GRIN2B: variants seen among roughly 807,000 people sequenced by gnomAD.
GRIN2B encodes glutamate receptor ionotropic, NMDA 2B.
A neutral mutation model predicts 114.5 loss-of-function variants in GRIN2B; 5 were observed. That is an observed-to-expected ratio of 0.04 (90% CI 0.02 to 0.09). GRIN2B has a LOEUF of 0.09. GRIN2B is among the 10% of genes least tolerant of loss of function. GRIN2B has a pLI of 1.00. For missense variants in GRIN2B, 1,108 were observed against 1,943.5 expected (o/e 0.57, Z 8.08); for synonymous variants, 787 against 745.1 (o/e 1.06, Z -0.92).
chr12:13,827,224 G>GTTTTTTTTTTTTT, intron 3 of GRIN2B, among the ~76,000 whole-genome samples: 1 of 34,510 alleles, frequency 2.9e-5, no homozygotes, highest in Non-Finnish European at 5.9e-5. Flanking sequence ...CCTTATTGTT[G>GTTTTTTTTTTTTT]TTTTCTTTTT....
At chr12:13,687,114 C>T (rs1247298877) in intron 4 of GRIN2B, among the ~76,000 whole-genome samples, 2 of 152,130 alleles carry the variant, frequency 1.3e-5, no homozygotes, top group Non-Finnish European at 2.9e-5. Context: ...TTGAACTTTC[C>T]AGCCATCAGC....
intron 4 of GRIN2B, among the ~76,000 whole-genome samples, chr12:13,752,779 G>A (rs1863505691): frequency 6.6e-6 from 1 of 152,154 alleles, no homozygotes; most frequent in Non-Finnish European, 1.5e-5. Flanking sequence ...TTTAAAGAAA[G>A]AATATCCTTC....
intron 10 of GRIN2B, among the ~76,000 whole-genome samples, chr12:13,591,004 C>T (rs990389765): frequency 2.0e-5 from 3 of 152,154 alleles, no homozygotes; most frequent in Admixed American, 6.5e-5. Flanking sequence ...AGGTTGGCTG[C>T]AAAGAGGTAC....
intron 4 of GRIN2B, among the ~76,000 whole-genome samples, chr12:13,701,116 C>T (rs941707764): frequency 6.6e-6 from 1 of 152,246 alleles, no homozygotes; most frequent in African/African-American, 2.4e-5. Flanking sequence ...ACTTATAAAA[C>T]GTCGGATCTC....
chr12:13,780,834 CAAAA>C (rs200061187), intron 3 of GRIN2B, among the ~76,000 whole-genome samples: 1 of 84,722 alleles, frequency 1.2e-5, no homozygotes. Context: ...CAGGTTTTGC[CAAAA>C]AAAAAAAAAA....
chr12:13,681,562 C>T (rs1385096120), intron 4 of GRIN2B, among the ~76,000 whole-genome samples: 3 of 152,130 alleles, frequency 2.0e-5, no homozygotes, highest in Non-Finnish European at 2.9e-5. Flanking sequence ...GCATGTGTCA[C>T]CTTCTAAAGC....
At position 13,562,912 on chromosome 12, in the gene GRIN2B, G is replaced by A; in HGVS notation, c.4326C>T (p.Phe1442=). The part of the protein sequence containing the change: ...SALHGAVPAR[F]QKDICIGNQS... ...GGTTCCCTATACAGATGTCCTTCTG[G>A]AAACGGGCTGGCACGGCCCCATGAA... The change falls in exon 14 of 14, where the codon TTC becomes TTT. Residue 1442 remains phenylalanine (F), a synonymous_variant. Coordinates refer to ENST00000609686, the MANE Select transcript of GRIN2B (RefSeq NM_000834.5). 1 of 1,614,234 alleles carries A rather than the reference G, an allele frequency of 6.2e-7. No homozygotes were observed. The highest frequency in any genetic ancestry group is 8.5e-7 in the Non-Finnish European group (1 of 1,180,054).
In GRIN2B at chr12:13,980,141, G is replaced by A. The variant is rs962929868; in HGVS notation, c.-232C>T. ...CAAAAAAAAAAAGATTTAATTCAAA[G>A]GTAATTCAGGGTATGGAGAGCAGCT... is the stretch of plus-strand genomic sequence containing the variant. On this transcript the variant is annotated 5_prime_UTR_variant, in exon 2 of 14. Coordinates refer to ENST00000609686, the MANE Select transcript of GRIN2B (RefSeq NM_000834.5). The A allele has an allele frequency of 1.3e-5, 2 of 152,148 alleles. No individual in the cohort carries two copies. The highest frequency in any genetic ancestry group is 4.8e-5 in the African/African-American group (2 of 41,416). 9.4% of individuals were successfully genotyped at this position (152,148 alleles called of 1,614,324 possible). A position where few individuals can be genotyped will look rare whatever the true frequency, so the allele number is the denominator to read the frequency against.
intron 3 of GRIN2B, among the ~76,000 whole-genome samples, chr12:13,762,798 C>T (rs1229194909): frequency 6.6e-6 from 1 of 152,192 alleles, no homozygotes; most frequent in Non-Finnish European, 1.5e-5. Context: ...AAATGTGGAT[C>T]AGTCATGCTT....
intron 5 of GRIN2B, among the ~76,000 whole-genome samples, chr12:13,634,861 C>T (rs1021510788): frequency 1.3e-5 from 2 of 152,130 alleles, no homozygotes; most frequent in Admixed American, 6.5e-5. Context: ...TATCTGAACT[C>T]GTTGCTACTT....
At chr12:13,757,510 G>GAT (rs1360775193) in intron 3 of GRIN2B, among the ~76,000 whole-genome samples, 1 of 152,108 alleles carries the variant, frequency 6.6e-6, no homozygotes, top group African/African-American at 2.4e-5. Flanking sequence ...GAAGGACAGA[G>GAT]ATATAATTCT....
intron 2 of GRIN2B, among the ~76,000 whole-genome samples, chr12:13,948,182 C>G (rs1867399425): frequency 6.6e-6 from 1 of 152,172 alleles, no homozygotes; most frequent in South Asian, 2.1e-4. Flanking sequence ...AAAGAAGGTT[C>G]TGGGGCAAAT....
chr12:13,661,343 A>T (rs1263288472), intron 5 of GRIN2B, among the ~76,000 whole-genome samples: 1 of 152,212 alleles, frequency 6.6e-6, no homozygotes, highest in Non-Finnish European at 1.5e-5. Flanking sequence ...TCATTGTCTG[A>T]CAAACAGAAA....
chr12:13,765,941 G>A (rs1863777254), intron 3 of GRIN2B, among the ~76,000 whole-genome samples: 1 of 152,168 alleles, frequency 6.6e-6, no homozygotes, highest in Admixed American at 6.5e-5. Flanking sequence ...AGGAAGCACA[G>A]AGTGATTACA....
chr12:13,684,086 G>C (rs1173745398), intron 4 of GRIN2B, among the ~76,000 whole-genome samples: 1 of 152,086 alleles, frequency 6.6e-6, no homozygotes, highest in Non-Finnish European at 1.5e-5. Context: ...ATTAAGGCTT[G>C]GGAATATTTG....
chr12:13,597,584 G>A (rs1949092001), intron 10 of GRIN2B, among the ~76,000 whole-genome samples: 1 of 152,216 alleles, frequency 6.6e-6, no homozygotes, highest in African/African-American at 2.4e-5. Flanking sequence ...ACAAGGGGTA[G>A]CCAATAGGAA....
intron 10 of GRIN2B, among the ~76,000 whole-genome samples, chr12:13,588,693 T>C (rs1948965300): frequency 6.6e-6 from 1 of 152,174 alleles, no homozygotes; most frequent in Admixed American, 6.5e-5. Flanking sequence ...CATGCATACA[T>C]AATGCAGTGC....
At chr12:13,946,154 C>T (rs1867359135) in intron 2 of GRIN2B, among the ~76,000 whole-genome samples, 1 of 152,110 alleles carries the variant, frequency 6.6e-6, no homozygotes, top group Non-Finnish European at 1.5e-5. Context: ...TGTCTTCAAA[C>T]TTGTTTGCTC....
At chr12:13,719,356 C>A (rs949585849) in intron 4 of GRIN2B, among the ~76,000 whole-genome samples, 1 of 151,944 alleles carries the variant, frequency 6.6e-6, no homozygotes. Flanking sequence ...CCACATTAAC[C>A]AGATTTATTA....
Sources: gnomAD v4.1 joint callset for allele counts (sites outside exome capture counted in the v4.1 genomes callset) on GRCh38, gnomAD v4.1.1 for gene constraint, MANE v1.5 for transcripts, NCBI Gene and HGNC (gene_info 2026-07-23, HGNC 2026-07-21) for gene names.